DKK4: variants seen among roughly 807,000 people sequenced by gnomAD.
The protein encoded by DKK4 is dickkopf Wnt signaling pathway inhibitor 4.
A neutral mutation model predicts 14.5 loss-of-function variants in DKK4; 15 were observed. The ratio of observed to expected loss-of-function variants is 1.03; its 90% confidence interval spans 0.69 to 1.59. The LOEUF is 1.59. Among genes scored for constraint, DKK4 ranks in the 40% most tolerant of loss-of-function variants. DKK4 has a pLI of 0.00. For synonymous variants in DKK4, 89 were observed against 105.2 expected, an observed-to-expected ratio of 0.85 and a Z score of 0.94; for missense variants, 272 against 280.3, an observed-to-expected ratio of 0.97 and a Z score of 0.21.
chr8:42,380,918 AG>A (rs1824668760), upstream of DKK4, among the ~76,000 whole-genome samples: 1 of 146,474 alleles, frequency 6.8e-6, no homozygotes, highest in South Asian at 2.6e-4. Context: ...AGAGAAAGAA[AG>A]AAAAAGAAAG....
rs753684391 is a variant in DKK4 at position 42,374,309 on chromosome 8, A to G, written c.466T>C (p.Cys156Arg). 1.9e-6 allele frequency: 3 copies of G among 1,613,780 alleles called. No homozygotes were observed. The highest frequency in any genetic ancestry group is 1.7e-5 in the Admixed American group (1 of 59,900). Residue 156 changes from cysteine (C) to arginine (R), a missense_variant, in exon 4 of 4, where the codon TGC becomes CGC. Transcript: ENST00000220812. ...LRTFDCGPGL[C>R]CARHFWTKIC... Reference sequence around the variant, plus strand: ...TTCGTCCAAAAATGACGAGCACAGCAAAGTCCAGGGCCACAGTCAAAAGTT... The same window carrying G: ...TTCGTCCAAAAATGACGAGCACAGCGAAGTCCAGGGCCACAGTCAAAAGTT...
At chr8:42,374,948 C>G (rs1824529952) in intron 2 of DKK4, 35 bp from the exon 3 acceptor site, 1 of 1,611,314 alleles carries the variant, frequency 6.2e-7, no homozygotes, top group East Asian at 2.2e-5. Flanking sequence ...GAATTATTAA[C>G]TTCAAGGGGG....
chr8:42,388,656 C>T, the DKK4 span, among the ~76,000 whole-genome samples: 14 of 151,258 alleles, frequency 9.3e-5, no homozygotes, highest in East Asian at 5.9e-4. Flanking sequence ...GTGCGAACTC[C>T]GCCTCCCAGG....
upstream of DKK4, among the ~76,000 whole-genome samples, chr8:42,377,612 T>C (rs1022382010): frequency 1.3e-5 from 2 of 152,156 alleles, no homozygotes; most frequent in East Asian, 1.9e-4. Context: ...CTGGCCAATA[T>C]GCTATAGAGG....
chr8:42,384,381 G>A, the DKK4 span, among the ~76,000 whole-genome samples: 1 of 152,148 alleles, frequency 6.6e-6, no homozygotes, highest in Non-Finnish European at 1.5e-5. Flanking sequence ...GGGCTCAAGC[G>A]ATCCTCCCAC....
At chr8:42,376,085 C>A (rs1315779561) in intron 1 of DKK4, among the ~76,000 whole-genome samples, 3 of 152,106 alleles carry the variant, frequency 2.0e-5, no homozygotes, top group Admixed American at 6.5e-5. Context: ...TTCCTGTGCT[C>A]TTTGTGAAAA....
chr8:42,378,247 T>A (rs1228065518), upstream of DKK4, among the ~76,000 whole-genome samples: 2 of 152,144 alleles, frequency 1.3e-5, no homozygotes, highest in African/African-American at 4.8e-5. Context: ...TAGCATAGAG[T>A]CATCTAAAAT....
chr8:42,379,376 TATAGAGAGAG>T (rs1295537635), upstream of DKK4, among the ~76,000 whole-genome samples: 142 of 45,582 alleles, frequency 3.1e-3, no homozygotes, highest in East Asian at 6.3e-3. Flanking sequence ...TATATATATA[TATAGAGAGAG>T]AGAGAGAGAG....
At chr8:42,379,463 A>G (rs1216008107), upstream of DKK4, among the ~76,000 whole-genome samples, 1 of 147,548 alleles carries the variant, frequency 6.8e-6, no homozygotes. Context: ...TATGGATGAC[A>G]GAGCCTGGGT....
At chr8:42,380,804 AAAGG>A (rs71221208), upstream of DKK4, among the ~76,000 whole-genome samples, 12,267 of 138,096 alleles carry the variant, frequency 0.089, 672 homozygotes, top group Non-Finnish European at 0.12. Context: ...AAGAAAAAGA[AAAGG>A]AAGGAAGGAA....
At position 42,375,685 on chromosome 8, in the gene DKK4, A is replaced by G. The variant is rs754303294; in HGVS notation, c.257T>C (p.Val86Ala). The change falls in exon 2 of 4, where the codon GTG becomes GCG. Residue 86 changes from valine (V) to alanine (A), a missense_variant. Val to Ala is a moderately conservative substitution (Grantham distance 64). Transcript: ENST00000220812. ...DAMCCPGTLCVNDVCTTMEDA... is the reference protein window; with the variant it reads ...DAMCCPGTLCANDVCTTMEDA... Reference sequence around the variant, plus strand: ...GTTGGCGTTATGTCGCTCACCGTTCACACAGAGTGTCCCAGGGCAGCACAT... The same window carrying G: ...GTTGGCGTTATGTCGCTCACCGTTCGCACAGAGTGTCCCAGGGCAGCACAT... 6.2e-7 allele frequency: 1 copy of G among 1,613,378 alleles called. No homozygotes were observed. Among genetic ancestry groups the G allele is most frequent in the Non-Finnish European group, 8.5e-7 (1 of 1,180,020 alleles).
chr8:42,387,231 T>C, the DKK4 span, among the ~76,000 whole-genome samples: 3 of 152,082 alleles, frequency 2.0e-5, no homozygotes, highest in African/African-American at 7.2e-5. Flanking sequence ...GGATTTGGAC[T>C]GAGAAAGCCC....
the DKK4 span, among the ~76,000 whole-genome samples, chr8:42,384,016 C>A: frequency 6.6e-6 from 1 of 152,192 alleles, no homozygotes. Context: ...CCCGCACCCC[C>A]CTACCCTGTT....
At chr8:42,383,067 C>T in the DKK4 span, among the ~76,000 whole-genome samples, 3 of 152,110 alleles carry the variant, frequency 2.0e-5, no homozygotes, top group South Asian at 4.1e-4. Flanking sequence ...ATCAAAGTAA[C>T]GGAAGCAAGC....
the DKK4 span, among the ~76,000 whole-genome samples, chr8:42,388,418 C>T: frequency 0.023 from 3,550 of 151,748 alleles, 97 homozygotes; most frequent in South Asian, 0.11. Flanking sequence ...TTAGTAGAGA[C>T]GGGGTTTCAC....
upstream of DKK4, among the ~76,000 whole-genome samples, chr8:42,378,564 G>T (rs1389927325): frequency 6.6e-6 from 1 of 152,110 alleles, no homozygotes; most frequent in African/African-American, 2.4e-5. Context: ...GGGTGTTACA[G>T]AATTTATTTT....
chr8:42,381,853 TG>T (rs1037070971), upstream of DKK4, among the ~76,000 whole-genome samples: 1 of 151,932 alleles, frequency 6.6e-6, no homozygotes, highest in African/African-American at 2.4e-5. Context: ...AAAAATTAGC[TG>T]GGCATGATGG....
In DKK4 at chr8:42,375,703, C is replaced by A. The variant is rs2130872956; in HGVS notation, c.239G>T (p.Cys80Phe). The change falls in exon 2 of 4, where the codon TGC becomes TTC. Residue 80 changes from cysteine to phenylalanine, a missense_variant. Physicochemically the swap from Cys to Phe is radical, Grantham distance 205. Transcript: ENST00000220812. ...ACCGTTCACACAGAGTGTCCCAGGG[C>A]AGCACATGGCATCTCGCTGGCACCT... ...RRRCQRDAMCCPGTLCVNDVC... is the reference protein window; with the variant it reads ...RRRCQRDAMCFPGTLCVNDVC... 1 of 1,613,670 alleles carries A rather than the reference C, an allele frequency of 6.2e-7. No individual in the cohort carries two copies.
Position 42,375,747 on chromosome 8 carries a change from T to C in DKK4, c.195A>G (p.Thr65=). The C allele has an allele frequency of 1.2e-6, 2 of 1,613,892 alleles. No individual in the cohort carries two copies. The highest frequency in any genetic ancestry group is 1.7e-6 in the Non-Finnish European group (2 of 1,179,892). Reference sequence around the variant, plus strand: ...GGCACCTCCTCCGCAACCCACGACATGTAGCACAGAACGGCTTCTCATCGC... The same window carrying C: ...GGCACCTCCTCCGCAACCCACGACACGTAGCACAGAACGGCTTCTCATCGC... ...QPRDEKPFCA[T]CRGLRRRCQR... is the part of the protein sequence containing the mutation. Residue 65 remains threonine, a synonymous_variant, in exon 2 of 4, where the codon ACA becomes ACG. Coordinates refer to ENST00000220812, the MANE Select transcript of DKK4 (RefSeq NM_014420.3).
Sources: gnomAD v4.1 joint callset for allele counts (sites outside exome capture counted in the v4.1 genomes callset) on GRCh38, gnomAD v4.1.1 for gene constraint, MANE v1.5 for transcripts, NCBI Gene and HGNC (gene_info 2026-07-23, HGNC 2026-07-21) for gene names.